TTC17: variants seen among roughly 807,000 people sequenced by gnomAD.
TTC17 encodes the protein tetratricopeptide repeat protein 17.
TTC17 carries 58 observed loss-of-function variants against 143.8 expected under a neutral mutation model. The ratio of observed to expected loss-of-function variants is 0.40; its 90% CI spans 0.33 to 0.50. The LOEUF (loss-of-function observed/expected upper bound fraction) is 0.50, where lower values mean the gene tolerates loss of function less well. Among genes scored for constraint, TTC17 ranks in the 20% least tolerant of loss-of-function variants. The pLI is 0.49. For synonymous variants in TTC17, 501 were observed against 497.8 expected (o/e 1.01, Z -0.09); for missense variants, 1,273 against 1,392.5 (o/e 0.91, Z 1.37).
At chr11:43,441,275 C>CA (rs770291331) in intron 16 of TTC17, among the ~76,000 whole-genome samples, 2,023 of 130,938 alleles carry the variant, frequency 0.015, 15 homozygotes, top group Non-Finnish European at 0.02. Flanking sequence ...GACTCTATCT[C>CA]AAAAAAAAAA....
At chr11:43,472,467 AATG>A (rs1296246991) in intron 21 of TTC17, among the ~76,000 whole-genome samples, 4 of 152,256 alleles carry the variant, frequency 2.6e-5, no homozygotes, top group African/African-American at 9.6e-5. Context: ...GACATTTCAT[AATG>A]ATAAAATGAT....
chr11:43,462,837 T>C (rs970424477), intron 21 of TTC17, among the ~76,000 whole-genome samples: 9 of 152,092 alleles, frequency 5.9e-5, no homozygotes, highest in Non-Finnish European at 1.2e-4. Flanking sequence ...ATAGCAGTTA[T>C]TATTGTAGCA....
intron 2 of TTC17, among the ~76,000 whole-genome samples, chr11:43,389,152 G>A (rs1245701482): frequency 1.3e-5 from 2 of 149,306 alleles, no homozygotes; most frequent in Admixed American, 6.8e-5. Context: ...AAAAAAAAAA[G>A]GGTGGAGGGG....
At chr11:43,418,208 A>G (rs543341192) in intron 16 of TTC17, among the ~76,000 whole-genome samples, 4 of 152,356 alleles carry the variant, frequency 2.6e-5, no homozygotes, top group South Asian at 2.1e-4. Flanking sequence ...CTACAAATCA[A>G]TGTATTGGCT....
At chr11:43,425,196 GTAGTCCCAGC>G (rs1298826374) in intron 16 of TTC17, among the ~76,000 whole-genome samples, 12 of 152,138 alleles carry the variant, frequency 7.9e-5, no homozygotes, top group Non-Finnish European at 5.9e-5. Flanking sequence ...GGTGTGCATG[GTAGTCCCAGC>G]TACTTAGAAA....
intron 16 of TTC17, among the ~76,000 whole-genome samples, chr11:43,425,618 A>G (rs1947009424): frequency 1.3e-5 from 2 of 152,130 alleles, no homozygotes; most frequent in African/African-American, 4.8e-5. Context: ...AGATTTTAAA[A>G]CACATAAGAC....
At chr11:43,406,891 G>A (rs1168072669) in intron 13 of TTC17, among the ~76,000 whole-genome samples, 1 of 152,136 alleles carries the variant, frequency 6.6e-6, no homozygotes, top group Non-Finnish European at 1.5e-5. Flanking sequence ...AATGGGGTAT[G>A]GTAGGTTACT....
chr11:43,448,349 C>T (rs1032024555), intron 19 of TTC17, among the ~76,000 whole-genome samples: 8 of 152,152 alleles, frequency 5.3e-5, no homozygotes, highest in African/African-American at 1.9e-4. Flanking sequence ...TGTAAGCTAT[C>T]TAGCAGCCAT....
intron 21 of TTC17, among the ~76,000 whole-genome samples, chr11:43,463,869 A>G (rs1947917729): frequency 6.6e-6 from 1 of 152,256 alleles, no homozygotes; most frequent in Non-Finnish European, 1.5e-5. Context: ...GCACAAACCA[A>G]TGGGAAAGAA....
intron 16 of TTC17, among the ~76,000 whole-genome samples, chr11:43,442,622 C>G (rs1212302409): frequency 6.6e-6 from 1 of 152,136 alleles, no homozygotes; most frequent in Non-Finnish European, 1.5e-5. Context: ...GAGGAGAACT[C>G]AAGAGGGCTG....
chr11:43,409,216 C>G (rs945435317), intron 15 of TTC17, among the ~76,000 whole-genome samples: 6 of 152,146 alleles, frequency 3.9e-5, no homozygotes, highest in African/African-American at 1.4e-4. Context: ...GTATAAAGGA[C>G]CAATGAATTG....
At chr11:43,391,353 C>A in intron 3 of TTC17, 112 bp from the exon 4 acceptor site, 1 of 693,130 alleles carries the variant, frequency 1.4e-6, no homozygotes, top group Non-Finnish European at 2.5e-6. Flanking sequence ...GAGCTGTGAT[C>A]ATGCCACTGC....
chr11:43,457,799 A>G (rs1164228874), intron 21 of TTC17, among the ~76,000 whole-genome samples: 7 of 152,164 alleles, frequency 4.6e-5, no homozygotes, highest in African/African-American at 1.4e-4. Flanking sequence ...GATTGATAAG[A>G]GCATAAGAAA....
intron 18 of TTC17, among the ~76,000 whole-genome samples, chr11:43,446,938 C>T: frequency 6.6e-6 from 1 of 152,196 alleles, no homozygotes; most frequent in East Asian, 1.9e-4. Context: ...AAACAGACTC[C>T]TAGCTCTGCC....
intron 16 of TTC17, among the ~76,000 whole-genome samples, chr11:43,436,677 G>A (rs1005025129): frequency 1.3e-5 from 2 of 152,052 alleles, no homozygotes; most frequent in African/African-American, 2.4e-5. Flanking sequence ...TACCTATTAC[G>A]CCCTCTCCTA....
At chr11:43,381,236 C>T (rs1856956991) in intron 2 of TTC17, among the ~76,000 whole-genome samples, 1 of 152,030 alleles carries the variant, frequency 6.6e-6, no homozygotes, top group African/African-American at 2.4e-5. Flanking sequence ...ATATGCATAG[C>T]AGTGCCAGGT....
At position 43,399,908 on chromosome 11, in the gene TTC17, A is replaced by G. The variant is rs1453697524; in HGVS notation, c.1079A>G (p.Asn360Ser). 3.1e-6 allele frequency: 5 copies of G among 1,611,790 alleles called. No individual in the cohort carries two copies. The highest frequency in any genetic ancestry group is 4.2e-6 in the Non-Finnish European group (5 of 1,179,184). The change falls in exon 9 of 24, where the codon AAT becomes AGT. Residue 360 changes from asparagine (N) to serine (S), a missense_variant. Around this residue, in one of 3 missense-constraint regions of TTC17, gnomAD observed 325 missense variants for 444.2 expected, o/e 0.73. Coordinates refer to ENST00000039989, the MANE Select transcript of TTC17 (RefSeq NM_018259.6). Reference protein sequence around the residue: ...AQHRSLQRTLNELKEYQKQHD... With the variant: ...AQHRSLQRTLSELKEYQKQHD... ...TTAAGATCTCTCCAGCGAACACTGA[A>G]TGAGTTAAAAGAGTATCAAAAGCAG...
Position 43,358,981 on chromosome 11 carries a change from C to T in TTC17, c.27C>T (p.Gly9=). Residue 9 remains glycine, a synonymous_variant, in exon 1 of 24, where the codon GGC becomes GGT. Transcript: ENST00000039989. ...TGGCGGCGGCAGTAGGGGTTCGTGG[C>T]CGGTACGAGCTGCCGCCTTGCTCCG... MAAAVGVR[G]RYELPPCSGP... The T allele has an allele frequency of 1.3e-6, 2 of 1,579,176 alleles. No individual in the cohort carries two copies. Among genetic ancestry groups the T allele is most frequent in the East Asian group, 2.5e-5 (1 of 40,792 alleles).
At chr11:43,394,959 A>G (rs895606946) in intron 5 of TTC17, among the ~76,000 whole-genome samples, 8 of 152,188 alleles carry the variant, frequency 5.3e-5, no homozygotes, top group African/African-American at 1.9e-4. Context: ...TCACAGTAAC[A>G]TTAGAACATT....
Sources: gnomAD v4.1 joint callset for allele counts (sites outside exome capture counted in the v4.1 genomes callset) on GRCh38, gnomAD v4.1.1 for gene constraint, gnomAD v4.1.1 regional missense constraint, MANE v1.5 for transcripts, NCBI Gene and HGNC (gene_info 2026-07-23, HGNC 2026-07-21) for gene names.